Variants in QTMAN observed in about 807,000 individuals in gnomAD.
QTMAN encodes queuosine-tRNA mannosyltransferase, also known as tRNA-queuosine alpha-mannosyltransferase.
chr2:144,219,704 C>T, the QTMAN span, among the ~76,000 whole-genome samples: 2 of 152,058 alleles, frequency 1.3e-5, no homozygotes, highest in Admixed American at 1.3e-4. Flanking sequence ...TGCCTGTTGT[C>T]CCAGCTACTT....
the QTMAN span, among the ~76,000 whole-genome samples, chr2:144,272,082 G>A: frequency 6.6e-6 from 1 of 151,886 alleles, no homozygotes; most frequent in Admixed American, 6.6e-5. Flanking sequence ...ATTGTTCTCT[G>A]TGTAGCATCT....
chr2:144,163,289 A>T, the QTMAN span, among the ~76,000 whole-genome samples: 12 of 152,066 alleles, frequency 7.9e-5, no homozygotes, highest in African/African-American at 2.9e-4. Flanking sequence ...TACTTTTAAA[A>T]TTTAAAAAAT....
At chr2:144,165,187 T>C in the QTMAN span, among the ~76,000 whole-genome samples, 2 of 151,878 alleles carry the variant, frequency 1.3e-5, no homozygotes, top group Admixed American at 1.3e-4. Flanking sequence ...CTGGCCAACA[T>C]GATGAAACAC....
chr2:144,009,769 A>C, the QTMAN span, among the ~76,000 whole-genome samples: 1 of 152,114 alleles, frequency 6.6e-6, no homozygotes, highest in African/African-American at 2.4e-5. Flanking sequence ...GGTGGGAACC[A>C]ATCAACTTCT....
chr2:144,101,774 T>A, the QTMAN span, among the ~76,000 whole-genome samples: 1 of 152,210 alleles, frequency 6.6e-6, no homozygotes, highest in African/African-American at 2.4e-5. Flanking sequence ...AATACCATTT[T>A]ATACATTTCA....
At chr2:143,951,967 C>T in the QTMAN span, 17 of 1,280,446 alleles carry the variant, frequency 1.3e-5, no homozygotes, top group Non-Finnish European at 1.8e-5. Flanking sequence ...ATGTAAATCT[C>T]TTCTCAATAA....
the QTMAN span, among the ~76,000 whole-genome samples, chr2:144,179,548 A>G: frequency 5.4e-4 from 82 of 152,208 alleles, no homozygotes; most frequent in Non-Finnish European, 9.4e-4. Flanking sequence ...TAGTAGAAAC[A>G]TGAACCATCC....
the QTMAN span, among the ~76,000 whole-genome samples, chr2:144,084,304 G>A: frequency 6.6e-6 from 1 of 152,206 alleles, no homozygotes; most frequent in Non-Finnish European, 1.5e-5. Flanking sequence ...GTGACCTTAA[G>A]CAAATTGTTT....
the QTMAN span, among the ~76,000 whole-genome samples, chr2:143,962,278 G>A: frequency 1.3e-5 from 2 of 152,124 alleles, no homozygotes; most frequent in Non-Finnish European, 2.9e-5. Context: ...ATTTTGCCAG[G>A]TGGAGAAAGG....
the QTMAN span, among the ~76,000 whole-genome samples, chr2:144,096,431 T>A: frequency 6.6e-6 from 1 of 152,192 alleles, no homozygotes; most frequent in African/African-American, 2.4e-5. Context: ...TGGTTTATTT[T>A]GGCAAAAAGG....
chr2:143,997,277 T>G, the QTMAN span, among the ~76,000 whole-genome samples: 1 of 152,126 alleles, frequency 6.6e-6, no homozygotes, highest in Non-Finnish European at 1.5e-5. Flanking sequence ...TAATAAAAAC[T>G]TTCAACGAAT....
the QTMAN span, among the ~76,000 whole-genome samples, chr2:144,103,696 T>A: frequency 6.6e-6 from 1 of 152,238 alleles, no homozygotes; most frequent in Non-Finnish European, 1.5e-5. Context: ...ACTCAATTTG[T>A]AGAAACAATT....
At chr2:144,157,399 T>C in the QTMAN span, among the ~76,000 whole-genome samples, 2 of 151,976 alleles carry the variant, frequency 1.3e-5, no homozygotes, top group Non-Finnish European at 2.9e-5. Flanking sequence ...TAAAAGACAT[T>C]TACACATAGG....
At chr2:144,183,641 A>AT in the QTMAN span, among the ~76,000 whole-genome samples, 1 of 152,156 alleles carries the variant, frequency 6.6e-6, no homozygotes, top group Non-Finnish European at 1.5e-5. Context: ...ATAGGGCTGA[A>AT]TTTTTTAAGA....
chr2:144,244,507 T>G, the QTMAN span, among the ~76,000 whole-genome samples: 1 of 152,056 alleles, frequency 6.6e-6, no homozygotes, highest in African/African-American at 2.4e-5. Context: ...GAAACAACAG[T>G]TGGGGGAGGC....
the QTMAN span, among the ~76,000 whole-genome samples, chr2:144,321,104 C>A: frequency 6.6e-6 from 1 of 152,172 alleles, no homozygotes; most frequent in African/African-American, 2.4e-5. Context: ...ATATCACCCC[C>A]CACAACCAAG....
the QTMAN span, among the ~76,000 whole-genome samples, chr2:144,118,059 G>C: frequency 5.9e-5 from 9 of 152,176 alleles, no homozygotes; most frequent in East Asian, 1.7e-3. Context: ...TGTTAGCCAG[G>C]ATGGTCTCAA....
At chr2:144,021,415 G>C in the QTMAN span, among the ~76,000 whole-genome samples, 7 of 152,112 alleles carry the variant, frequency 4.6e-5, no homozygotes, top group Non-Finnish European at 4.4e-5. Flanking sequence ...CCTTTTTCTT[G>C]AGAAGATACT....
chr2:144,288,461 A>G, the QTMAN span, among the ~76,000 whole-genome samples: 3 of 152,216 alleles, frequency 2.0e-5, no homozygotes, highest in Non-Finnish European at 4.4e-5. Flanking sequence ...ATACGTTTTC[A>G]GAGCTCATTT....
Sources: allele counts gnomAD v4.1 joint callset (sites outside exome capture counted in the v4.1 genomes callset), GRCh38; gene constraint gnomAD v4.1.1; transcripts MANE v1.5; gene names NCBI Gene and HGNC (gene_info 2026-07-23, HGNC 2026-07-21).